Variants in CCDC9B observed in about 807,000 individuals in gnomAD.
CCDC9B encodes coiled-coil domain containing 9B.
In CCDC9B, 40 loss-of-function variants were observed where a neutral mutation model predicts 47.2. That is an observed-to-expected ratio of 0.85 (90% CI 0.66 to 1.10). The LOEUF is 1.10. CCDC9B is among the 50% of genes least tolerant of loss of function. The probability of loss-of-function intolerance (pLI) is 0.00; values close to 1 mark genes in which losing one functional copy is unlikely to be tolerated. For missense variants in CCDC9B, 662 were observed against 651.0 expected, an observed-to-expected ratio of 1.02 and a Z score of -0.18; for synonymous variants, 238 against 250.7, an observed-to-expected ratio of 0.95 and a Z score of 0.48.
In CCDC9B at chr15:40,336,752, C is replaced by A; in HGVS notation, c.796+8G>T. The A allele has an allele frequency of 1.2e-6, 2 of 1,600,520 alleles. No homozygotes were observed. Among genetic ancestry groups the A allele is most frequent in the Non-Finnish European group, 1.7e-6 (2 of 1,173,310 alleles). On this transcript the variant is annotated splice_region_variant and intron_variant, in intron 8 of 10. Coordinates refer to ENST00000397536, the MANE Select transcript of CCDC9B (RefSeq NM_207380.3). The stretch of plus-strand genomic sequence containing the variant: ...ACGAGACCTGGCCCCTCCTCCTCCC[C>A]AACTCACCTTTTCCATCAGGGAGCA...
chr15:40,340,420 A>G, intron 1 of CCDC9B: 2 of 318,786 alleles, frequency 6.3e-6, no homozygotes, highest in South Asian at 1.2e-4. Context: ...TGGCTCCCAG[A>G]TCCACAACCA....
chr15:40,337,499 C>T, intron 6 of CCDC9B, 53 bp from the exon 7 acceptor site: 1 of 1,451,538 alleles, frequency 6.9e-7, no homozygotes. Context: ...GCCGCGGGCC[C>T]CACCCTGACA....
At chr15:40,340,482 C>T (rs974891677) in intron 1 of CCDC9B, 31 of 405,528 alleles carry the variant, frequency 7.6e-5, no homozygotes, top group Non-Finnish European at 1.0e-4. Flanking sequence ...CCCTGGACCC[C>T]GCACCTAGGC....
In CCDC9B at chr15:40,337,705, G is replaced by C; in HGVS notation, c.683+19C>G. ...CTCCATCCCGCACCACAGGCAACCT[G>C]CCCAACCCAGCCACCCACGTGGACT... is the stretch of plus-strand genomic sequence containing the variant. On this transcript the variant is annotated intron_variant, in intron 6 of 10. Transcript: ENST00000397536. The C allele has an allele frequency of 1.9e-6, 3 of 1,576,592 alleles. No individual in the cohort carries two copies. The highest frequency in any genetic ancestry group is 2.6e-6 in the Non-Finnish European group (3 of 1,164,374).
chr15:40,340,662 A>T, intron 1 of CCDC9B, 146 bp downstream of exon 1: 2 of 712,864 alleles, frequency 2.8e-6, no homozygotes, highest in Non-Finnish European at 4.5e-6. Context: ...CTCTGTCTGG[A>T]TGCAGGTTCT....
chr15:40,339,831 G>A, intron 2 of CCDC9B, 74 bp downstream of exon 2: 1 of 1,427,892 alleles, frequency 7.0e-7, no homozygotes, highest in Non-Finnish European at 9.8e-7. Flanking sequence ...TGAGCCTGCA[G>A]GGAGACCACC....
chr15:40,339,974 C>A lies in CCDC9B; in HGVS notation c.54G>T (p.Lys18Asn). ...CTATCCTCCGATCCAGCTCTGCGTC[C>A]TTCTCCTGCCTGCTCATGGGGGACT... Reference protein sequence around the residue: ...RAESPMSRQEKDAELDRRIVA... With the variant: ...RAESPMSRQENDAELDRRIVA... The change falls in exon 2 of 11, where the codon AAG becomes AAT. Residue 18 changes from lysine (K) to asparagine (N), a missense_variant. Coordinates refer to ENST00000397536, the MANE Select transcript of CCDC9B (RefSeq NM_207380.3). The A allele has an allele frequency of 6.2e-7, 1 of 1,613,826 alleles. No homozygotes were observed. The highest frequency in any genetic ancestry group is 8.5e-7 in the Non-Finnish European group (1 of 1,179,948).
intron 9 of CCDC9B, 41 bp from the exon 10 acceptor site, chr15:40,335,867 C>T (rs1164054250): frequency 1.3e-6 from 2 of 1,592,924 alleles, no homozygotes; most frequent in Non-Finnish European, 1.7e-6. Context: ...CCCCACTTCA[C>T]TCCAGAGCCA....
At chr15:40,336,041 T>G (rs1263606952) in intron 9 of CCDC9B, 1 of 985,234 alleles carries the variant, frequency 1.0e-6, no homozygotes, top group Non-Finnish European at 1.2e-6. Flanking sequence ...GGAGCAGCCA[T>G]GGCAGGACCA....
Position 40,338,771 on chromosome 15 carries a change from C to T in CCDC9B, c.364G>A (p.Val122Met). 1 of 1,613,716 alleles carries T rather than the reference C, an allele frequency of 6.2e-7. No individual in the cohort carries two copies. The highest frequency in any genetic ancestry group is 1.1e-5 in the South Asian group (1 of 91,040). ...ACCTCTGCTTTGTTCTCCATGGTCA[C>T]AGCCAGCTCCACCAGCTCCCCTAAG... Reference protein sequence around the residue: ...FCLGELVELAVTMENKAEGKR... With the variant: ...FCLGELVELAMTMENKAEGKR... The change falls in exon 4 of 11, where the codon GTG becomes ATG. Residue 122 changes from valine to methionine, a missense_variant. Val to Met is a conservative substitution (Grantham distance 21, BLOSUM62 1). Coordinates refer to ENST00000397536, the MANE Select transcript of CCDC9B (RefSeq NM_207380.3).
chr15:40,335,918 G>C, intron 9 of CCDC9B, 92 bp from the exon 10 acceptor site: 1 of 1,548,114 alleles, frequency 6.5e-7, no homozygotes, highest in Non-Finnish European at 8.7e-7. Flanking sequence ...GGAGTTGAGA[G>C]CCAGTGAGGA....
At chr15:40,338,159 T>G (rs1320921261) in intron 5 of CCDC9B, 59 of 720,350 alleles carry the variant, frequency 8.2e-5, no homozygotes, top group Non-Finnish European at 3.4e-5. Context: ...TGCAGGGGTA[T>G]GCAGACGGGC....
Position 40,335,361 on chromosome 15 carries a change from C to T in CCDC9B, c.1270G>A (p.Ala424Thr). 6.2e-7 allele frequency: 1 copy of T among 1,613,452 alleles called. No homozygotes were observed. Among genetic ancestry groups the T allele is most frequent in the Non-Finnish European group, 8.5e-7 (1 of 1,179,914 alleles). Residue 424 changes from alanine (A) to threonine (T), a missense_variant, in exon 11 of 11, where the codon GCT becomes ACT. Ala to Thr is a moderately conservative substitution (Grantham distance 58). Coordinates refer to ENST00000397536, the MANE Select transcript of CCDC9B (RefSeq NM_207380.3). ...QQPLGWSNHQ[A>T]ELEVQTCPEP... ...GGGCAAGTCTGTACTTCCAGCTCAG[C>T]CTGGTGATTGCTCCACCCCAGGGGC... is the stretch of plus-strand genomic sequence containing the variant.
chr15:40,336,755 C>G lies in CCDC9B; in HGVS notation c.796+5G>C. ...AGACCTGGCCCCTCCTCCTCCCCAA[C>G]TCACCTTTTCCATCAGGGAGCAATG... On this transcript the variant is annotated splice_donor_5th_base_variant and intron_variant, in intron 8 of 10. Coordinates refer to ENST00000397536, the MANE Select transcript of CCDC9B (RefSeq NM_207380.3). 1.2e-6 allele frequency: 2 copies of G among 1,600,328 alleles called. No homozygotes were observed. The highest frequency in any genetic ancestry group is 1.7e-6 in the Non-Finnish European group (2 of 1,173,450).
At chr15:40,340,659 TG>T (rs1027051830) in intron 1 of CCDC9B, 148 bp downstream of exon 1, 33 of 709,110 alleles carry the variant, frequency 4.7e-5, no homozygotes, top group Non-Finnish European at 7.5e-5. Flanking sequence ...CCTCTCTGTC[TG>T]GATGCAGGTT....
intron 7 of CCDC9B, chr15:40,337,138 C>T (rs1005663951): frequency 1.7e-5 from 11 of 636,064 alleles, no homozygotes; most frequent in African/African-American, 5.5e-5. Flanking sequence ...AAAGAGACCC[C>T]GGGCCGGCTT....
chr15:40,340,753 C>T (rs1889074060), intron 1 of CCDC9B, 55 bp downstream of exon 1: 3 of 1,551,218 alleles, frequency 1.9e-6, no homozygotes, highest in Non-Finnish European at 2.6e-6. Flanking sequence ...TGCCTGGTAT[C>T]CCAGCCCCCT....
chr15:40,337,492 G>T (rs748244894), intron 6 of CCDC9B, 46 bp from the exon 7 acceptor site: 4 of 1,488,282 alleles, frequency 2.7e-6, no homozygotes, highest in South Asian at 1.3e-5. Flanking sequence ...AGAAGCTGCC[G>T]CGGGCCCCAC....
Position 40,335,298 on chromosome 15 carries a change from C to T in CCDC9B, c.1333G>A (p.Glu445Lys), listed in dbSNP as rs2141245756. 2 of 1,613,000 alleles carry T rather than the reference C, an allele frequency of 1.2e-6. No homozygotes were observed. The highest frequency in any genetic ancestry group is 2.2e-5 in the South Asian group (2 of 91,060). The change falls in exon 11 of 11, where the codon GAA (glutamate) becomes AAA (lysine). Residue 445 changes from glutamate to lysine, a missense_variant. Transcript: ENST00000397536. ...QRGAGLPEPGEDRSGKSGAQQ... is the reference protein window; with the variant it reads ...QRGAGLPEPGKDRSGKSGAQQ... ...GCCCCAGACTTGCCAGACCTGTCTT[C>T]TCCGGGCTCTGGGAGCCCTGCTCCT...
Sources: allele counts gnomAD v4.1 joint callset, GRCh38; gene constraint gnomAD v4.1.1; transcripts MANE v1.5; gene names NCBI Gene and HGNC (gene_info 2026-07-23, HGNC 2026-07-21).